RBM33: variants seen among roughly 807,000 people sequenced by gnomAD.
RBM33 encodes RNA-binding protein 33.
RBM33 carries 28 observed loss-of-function variants against 132.6 expected under a neutral mutation model. That is an observed-to-expected ratio of 0.21 (90% CI 0.16 to 0.29). The LOEUF (loss-of-function observed/expected upper bound fraction) is 0.29, where lower values mean the gene tolerates loss of function less well. Among genes scored for constraint, RBM33 ranks in the 10% least tolerant of loss-of-function variants. The pLI is 1.00. For synonymous variants in RBM33, 634 were observed against 593.0 expected, an observed-to-expected ratio of 1.07 and a Z score of -1.01; for missense variants, 1,291 against 1,518.5, an observed-to-expected ratio of 0.85 and a Z score of 2.49.
At chr7:155,673,676 GTGTATA>G (rs1799046014) in intron 3 of RBM33, among the ~76,000 whole-genome samples, 7 of 109,156 alleles carry the variant, frequency 6.4e-5, no homozygotes, top group African/African-American at 2.9e-4. Context: ...ACATACACAC[GTGTATA>G]TATATACACA....
chr7:155,715,610 A>G (rs73734202), intron 8 of RBM33, among the ~76,000 whole-genome samples: 3,782 of 152,294 alleles, frequency 0.025, 143 homozygotes, highest in African/African-American at 0.085. Context: ...TTTTCTCACC[A>G]TGAAACTAGG....
At chr7:155,681,827 T>C (rs1171086943) in intron 5 of RBM33, among the ~76,000 whole-genome samples, 1 of 152,212 alleles carries the variant, frequency 6.6e-6, no homozygotes, top group Non-Finnish European at 1.5e-5. Context: ...TGCTGAATTG[T>C]GGTCATGTGT....
intron 15 of RBM33, among the ~76,000 whole-genome samples, chr7:155,765,076 C>G (rs185778862): frequency 6.6e-6 from 1 of 152,194 alleles, no homozygotes; most frequent in African/African-American, 2.4e-5. Context: ...CTTAGAAACA[C>G]CCTCCATAAC....
intron 3 of RBM33, among the ~76,000 whole-genome samples, chr7:155,673,800 A>ACACACACAC (rs369078260): frequency 1.4e-5 from 2 of 141,858 alleles, no homozygotes; most frequent in South Asian, 2.1e-4. Context: ...ACACACACAC[A>ACACACACAC]CCCCTACCAG....
At chr7:155,681,023 T>C in intron 5 of RBM33, 115 bp downstream of exon 5, 1 of 788,380 alleles carries the variant, frequency 1.3e-6, no homozygotes, top group Non-Finnish European at 2.0e-6. Context: ...TTAGACCTTA[T>C]TATCACTCTC....
At chr7:155,708,068 C>T (rs561255372) in intron 7 of RBM33, among the ~76,000 whole-genome samples, 7 of 152,152 alleles carry the variant, frequency 4.6e-5, no homozygotes, top group Non-Finnish European at 8.8e-5. Context: ...TACCACATGC[C>T]GTTTTTACAT....
intron 14 of RBM33, among the ~76,000 whole-genome samples, chr7:155,758,816 G>A (rs1461888936): frequency 1.3e-5 from 2 of 152,082 alleles, no homozygotes; most frequent in Non-Finnish European, 2.9e-5. Flanking sequence ...ACACTGTGGT[G>A]CACATGCCTC....
In RBM33 at chr7:155,671,235, A is replaced by G. The variant is rs190536251; in HGVS notation, c.123-1632A>G. On this transcript the variant is annotated intron_variant, in intron 2 of 17. Transcript: ENST00000401878. Reference sequence around the variant, plus strand: ...AAGATACAAAAATTGTATTTGATAGATGATAGTGGTTTTAAAATGTTGGAA... The same window carrying G: ...AAGATACAAAAATTGTATTTGATAGGTGATAGTGGTTTTAAAATGTTGGAA... Among the ~76,000 whole-genome samples the G allele has an allele frequency of 6.5e-3, 993 of 152,304 alleles. 7 individuals are homozygous for G. The highest frequency in any genetic ancestry group is 0.01 in the Middle Eastern group (3 of 294).
At chr7:155,710,423 G>A (rs757795885) in intron 7 of RBM33, among the ~76,000 whole-genome samples, 138 of 152,244 alleles carry the variant, frequency 9.1e-4, no homozygotes, top group Middle Eastern at 3.4e-3. Context: ...TTAAAATGTG[G>A]GGAAGATTTA....
intron 3 of RBM33, among the ~76,000 whole-genome samples, chr7:155,676,025 A>G (rs1002077618): frequency 6.6e-5 from 10 of 152,154 alleles, no homozygotes; most frequent in African/African-American, 2.4e-4. Context: ...TAATTACTAC[A>G]GGGTCTATGA....
chr7:155,761,594 GTTTT>G (rs1802038738), intron 14 of RBM33, among the ~76,000 whole-genome samples: 1 of 152,134 alleles, frequency 6.6e-6, no homozygotes, highest in South Asian at 2.1e-4. Flanking sequence ...TGCTTGTAAT[GTTTT>G]TTAAATTTCT....
At chr7:155,694,866 T>C (rs1450503011) in intron 5 of RBM33, among the ~76,000 whole-genome samples, 1 of 152,246 alleles carries the variant, frequency 6.6e-6, no homozygotes, top group African/African-American at 2.4e-5. Flanking sequence ...AAAAGGATCA[T>C]ATTACCCATC....
chr7:155,721,592 A>G (rs1563160375), intron 9 of RBM33, among the ~76,000 whole-genome samples: 1 of 152,210 alleles, frequency 6.6e-6, no homozygotes, highest in African/African-American at 2.4e-5. Context: ...TAAAGGCTGT[A>G]TGATACATTT....
At chr7:155,690,996 T>C (rs1799623256) in intron 5 of RBM33, among the ~76,000 whole-genome samples, 1 of 152,218 alleles carries the variant, frequency 6.6e-6, no homozygotes, top group Non-Finnish European at 1.5e-5. Flanking sequence ...CTGTATTTCC[T>C]GAATGTGAAT....
In RBM33 at chr7:155,750,636, G is replaced by C. The variant is rs751031825; in HGVS notation, c.2979+5034G>C. Among the ~76,000 whole-genome samples, 2 of 151,952 alleles carry C rather than the reference G, an allele frequency of 1.3e-5. 1 individual carries two copies. The highest frequency in any genetic ancestry group is 3.9e-4 in the East Asian group (2 of 5,192). On this transcript the variant is annotated intron_variant, in intron 14 of 17. Coordinates refer to ENST00000401878, the MANE Select transcript of RBM33 (RefSeq NM_053043.3). ...CCCAGGATCCTTGTAAGGATTAAACGTCATAATCATGTAAAGTTAGTGGTA... is the reference window on the plus strand; with the variant it reads ...CCCAGGATCCTTGTAAGGATTAAACCTCATAATCATGTAAAGTTAGTGGTA...
At chr7:155,690,123 C>T (rs1799592994) in intron 5 of RBM33, among the ~76,000 whole-genome samples, 1 of 152,178 alleles carries the variant, frequency 6.6e-6, no homozygotes, top group Non-Finnish European at 1.5e-5. Flanking sequence ...TTGTAGGTCT[C>T]TCAGGACTTG....
At position 155,763,963 on chromosome 7, in the gene RBM33, A is replaced by T; in HGVS notation, c.3131A>T (p.His1044Leu). 2 of 1,596,538 alleles carry T rather than the reference A, an allele frequency of 1.3e-6. No individual in the cohort carries two copies. The highest frequency in any genetic ancestry group is 1.7e-6 in the Non-Finnish European group (2 of 1,171,856). The stretch of plus-strand genomic sequence containing the variant: ...CATCTGCCAGCGGGGCCCCACGCAC[A>T]CTCGCCTGTCCCTCCAGGGATCAAA... The part of the protein sequence containing the change: ...PPHLPAGPHA[H>L]SPVPPGIKSI... Residue 1044 changes from histidine to leucine, a missense_variant, in exon 15 of 18, where the codon CAC (histidine) becomes CTC (leucine). By Grantham distance (99) the His-to-Leu change is moderately conservative. Transcript: ENST00000401878.
intron 8 of RBM33, among the ~76,000 whole-genome samples, chr7:155,717,974 C>A (rs948626244): frequency 6.6e-6 from 1 of 152,280 alleles, no homozygotes; most frequent in African/African-American, 2.4e-5. Context: ...TTCTCTCTTT[C>A]ATGATTCATG....
At chr7:155,692,507 G>T (rs972373391) in intron 5 of RBM33, among the ~76,000 whole-genome samples, 1 of 152,204 alleles carries the variant, frequency 6.6e-6, no homozygotes. Context: ...AGGGTTTCCT[G>T]TGCAGAGAAG....
Sources: gnomAD v4.1 joint callset for allele counts (sites outside exome capture counted in the v4.1 genomes callset) on GRCh38, gnomAD v4.1.1 for gene constraint, MANE v1.5 for transcripts, NCBI Gene and HGNC (gene_info 2026-07-23, HGNC 2026-07-21) for gene names.